The following AKR1E2 variants were observed in gnomAD, a reference collection of about 807,000 sequenced individuals.
The protein encoded by AKR1E2 is 1,5-anhydro-D-fructose reductase.
In AKR1E2, 43 loss-of-function variants were observed where a neutral mutation model predicts 41.9. The ratio of observed to expected loss-of-function variants is 1.03; its 90% CI spans 0.80 to 1.32. AKR1E2 has a LOEUF of 1.32. AKR1E2 is among the 40% of genes most tolerant of loss of function. The pLI is 0.00. For missense variants in AKR1E2, 423 were observed against 396.5 expected (o/e 1.07, Z -0.57); for synonymous variants, 121 against 138.9 (o/e 0.87, Z 0.91).
intron 2 of AKR1E2, among the ~76,000 whole-genome samples, chr10:4,831,503 G>A (rs1000877517): frequency 5.3e-5 from 8 of 152,208 alleles, no homozygotes; most frequent in Admixed American, 5.2e-4. Context: ...GTGTACAGGG[G>A]AACTGCCGTT....
chr10:4,870,257 T>G, the AKR1E2 span, among the ~76,000 whole-genome samples: 47 of 152,206 alleles, frequency 3.1e-4, no homozygotes, highest in African/African-American at 1.1e-3. Context: ...ATTACATATT[T>G]CTACCACATC....
intron 7 of AKR1E2, 49 bp downstream of exon 7, chr10:4,841,906 T>G: frequency 3.2e-6 from 5 of 1,566,748 alleles, no homozygotes; most frequent in Non-Finnish European, 4.4e-6. Flanking sequence ...CTGACCGCTC[T>G]ACATCCTTGG....
Position 4,826,297 on chromosome 10 carries a change from C to CGGGGCGGT in AKR1E2, c.-21_-20insTGGGGCGG. On this transcript the variant is annotated 5_prime_UTR_variant, in exon 1 of 10. Transcript: ENST00000298375. Reference sequence around the variant, plus strand: ...CTGTCGGTAGTCGCGTGCGGGGCGGCGGGGCGGCGGGGCGGCCGGCGGCGG... The same window carrying CGGGGCGGT: ...CTGTCGGTAGTCGCGTGCGGGGCGGCGGGGCGGTGGGGCGGCGGGGCGGCCGGCGGCGG... The CGGGGCGGT allele has an allele frequency of 8.1e-7, 1 of 1,231,344 alleles. No individual in the cohort carries two copies. Among genetic ancestry groups the CGGGGCGGT allele is most frequent in the South Asian group, 4.1e-5 (1 of 24,296 alleles). 76.3% of individuals were successfully genotyped at this position (1,231,344 alleles called of 1,614,324 possible).
At chr10:4,866,648 T>TTG in the AKR1E2 span, among the ~76,000 whole-genome samples, 1 of 124,158 alleles carries the variant, frequency 8.1e-6, no homozygotes, top group Non-Finnish European at 1.7e-5. Context: ...TGTTTTTGTT[T>TTG]TTTTTTTTTT....
the AKR1E2 span, among the ~76,000 whole-genome samples, chr10:4,856,099 A>C: frequency 1.3e-5 from 2 of 152,236 alleles, no homozygotes; most frequent in Non-Finnish European, 2.9e-5. Flanking sequence ...CATATATTTG[A>C]GACTACTGGA....
chr10:4,862,641 C>T, the AKR1E2 span, among the ~76,000 whole-genome samples: 1 of 152,106 alleles, frequency 6.6e-6, no homozygotes, highest in Admixed American at 6.6e-5. Flanking sequence ...TGAAGAGGTC[C>T]TTCACATCCC....
the AKR1E2 span, among the ~76,000 whole-genome samples, chr10:4,855,489 C>G: frequency 2.6e-5 from 4 of 152,146 alleles, no homozygotes; most frequent in African/African-American, 9.7e-5. Context: ...TGTGTCCTTG[C>G]GAGCTTGACC....
At chr10:4,862,698 G>A in the AKR1E2 span, among the ~76,000 whole-genome samples, 3 of 152,110 alleles carry the variant, frequency 2.0e-5, no homozygotes, top group African/African-American at 7.2e-5. Context: ...AAGCAATTGT[G>A]AATGGGAGTT....
At chr10:4,854,282 T>C in the AKR1E2 span, among the ~76,000 whole-genome samples, 1 of 152,038 alleles carries the variant, frequency 6.6e-6, no homozygotes, top group East Asian at 1.9e-4. Flanking sequence ...CTAGTAGAGA[T>C]GGGGTTTCAC....
the AKR1E2 span, among the ~76,000 whole-genome samples, chr10:4,865,645 C>T: frequency 1.3e-5 from 2 of 152,106 alleles, no homozygotes; most frequent in African/African-American, 2.4e-5. Context: ...TCCCTCAATA[C>T]ATATTAAGTT....
chr10:4,828,385 A>G (rs1272900166), intron 1 of AKR1E2, among the ~76,000 whole-genome samples: 1 of 152,364 alleles, frequency 6.6e-6, no homozygotes, highest in Admixed American at 6.5e-5. Context: ...CACTTGATCC[A>G]TCTGTGTGCC....
At chr10:4,847,063 C>A in intron 8 of AKR1E2, 85 bp from the exon 9 acceptor site, 1 of 1,458,590 alleles carries the variant, frequency 6.9e-7, no homozygotes, top group Non-Finnish European at 9.5e-7. Context: ...CCTTGCAGGT[C>A]TAGCACTGTG....
the AKR1E2 span, among the ~76,000 whole-genome samples, chr10:4,860,866 T>C: frequency 6.6e-6 from 1 of 152,194 alleles, no homozygotes; most frequent in African/African-American, 2.4e-5. Context: ...TCAGTTTAAT[T>C]TGAAATACGG....
the AKR1E2 span, among the ~76,000 whole-genome samples, chr10:4,865,184 G>A: frequency 1.3e-5 from 2 of 152,012 alleles, no homozygotes; most frequent in Admixed American, 6.5e-5. Context: ...CATACTGCAA[G>A]AAAAACACTT....
Position 4,834,483 on chromosome 10 carries a change from A to G in AKR1E2, c.324+1017A>G, listed in dbSNP as rs537432955. On this transcript the variant is annotated intron_variant, in intron 3 of 9. Transcript: ENST00000298375. ...CATGCAGAAAATCATAATTAAAACA[A>G]TGGCTACAGCTGTATTACACTCATT... Among the ~76,000 whole-genome samples the G allele has an allele frequency of 6.6e-5, 10 of 152,298 alleles. 1 individual carries two copies. In the South Asian group the frequency reaches 8.3e-4, roughly 13 times the overall value.
upstream of AKR1E2, chr10:4,825,023 C>T (rs1832369870): frequency 2.2e-6 from 1 of 455,764 alleles, no homozygotes; most frequent in Admixed American, 2.3e-5. Context: ...CCTGGCCTAA[C>T]TTGCCCCGTG....
At position 4,841,817 on chromosome 10, in the gene AKR1E2, T is replaced by C. The variant is rs1353049960; in HGVS notation, c.713T>C (p.Ile238Thr). The C allele has an allele frequency of 6.2e-6, 10 of 1,613,422 alleles. No individual in the cohort carries two copies. The South Asian group carries it at 1.1e-4, about 18-fold the overall frequency. ...GTTGACCTGATAGACAACCCTGTGA[T>C]CAAGAGGATTGCAAAGGAGCACGGC... ...EGVDLIDNPV[I>T]KRIAKEHGKS... is the part of the protein sequence containing the mutation. Residue 238 changes from isoleucine (I) to threonine (T), a missense_variant, in exon 7 of 10, where the codon ATC (isoleucine) becomes ACC (threonine). Physicochemically the swap from Ile to Thr is moderately conservative, Grantham distance 89 (BLOSUM62 -1). Coordinates refer to ENST00000298375, the MANE Select transcript of AKR1E2 (RefSeq NM_001040177.3).
intron 5 of AKR1E2, among the ~76,000 whole-genome samples, chr10:4,837,942 A>G (rs1046339530): frequency 3.9e-5 from 6 of 152,212 alleles, no homozygotes; most frequent in African/African-American, 9.6e-5. Context: ...CTGCAGCAAG[A>G]AAGAGTGGAT....
At chr10:4,853,140 G>A in the AKR1E2 span, among the ~76,000 whole-genome samples, 1 of 152,146 alleles carries the variant, frequency 6.6e-6, no homozygotes, top group African/African-American at 2.4e-5. Flanking sequence ...AGTAACCAGA[G>A]CCAAACTCTC....
Sources: gnomAD v4.1 joint callset for allele counts (sites outside exome capture counted in the v4.1 genomes callset) on GRCh38, gnomAD v4.1.1 for gene constraint, MANE v1.5 for transcripts, NCBI Gene and HGNC (gene_info 2026-07-23, HGNC 2026-07-21) for gene names.